The following ZNF48 variants were observed in gnomAD, a reference collection of about 807,000 sequenced individuals.
ZNF48 encodes zinc finger protein 48, also known as zinc finger protein 553.
A neutral mutation model predicts 40.0 loss-of-function variants in ZNF48; 20 were observed. The ratio of observed to expected loss-of-function variants is 0.50; its 90% CI spans 0.35 to 0.73. The LOEUF is 0.73. Among genes scored for constraint, ZNF48 ranks in the 30% least tolerant of loss-of-function variants. The pLI, the probability that ZNF48 is intolerant of heterozygous loss-of-function variation, is 0.01. For synonymous variants in ZNF48, 298 were observed against 329.7 expected (o/e 0.90, Z 1.04); for missense variants, 726 against 851.9 (o/e 0.85, Z 1.84).
chr16:30,395,901 G>A lies in ZNF48; in HGVS notation c.79+28G>A, dbSNP rs780540506. On this transcript the variant is annotated intron_variant, in intron 2 of 2. Transcript: ENST00000613509. The surrounding 1 kb of genome is among the most constrained non-coding windows in gnomAD (Gnocchi z 5.9). ...GAGGGCCTCGGCCGTGCGCCGCCACGGACAGGTAACGGCCGGTGGGGACTG... is the reference window on the plus strand; with the variant it reads ...GAGGGCCTCGGCCGTGCGCCGCCACAGACAGGTAACGGCCGGTGGGGACTG... The A allele has an allele frequency of 1.6e-4, 242 of 1,506,940 alleles. No homozygotes were observed. The highest frequency in any genetic ancestry group is 2.1e-4 in the Non-Finnish European group (234 of 1,128,090). 93.3% of individuals were successfully genotyped at this position (1,506,940 alleles called of 1,614,324 possible). A position where few individuals can be genotyped will look rare whatever the true frequency, so the allele number is the denominator to read the frequency against.
chr16:30,397,953 C>T lies in ZNF48; in HGVS notation c.703C>T (p.Arg235Cys), dbSNP rs751856251. ...CAAGGGCTTTGGCGACAGTTCCGCC[C>T]GCATCAAGCACCAGCGGACACACCG... ...CGKGFGDSSARIKHQRTHRGE... is the reference protein window; with the variant it reads ...CGKGFGDSSACIKHQRTHRGE... Residue 235 changes from arginine (R) to cysteine (C), a missense_variant, in exon 3 of 3, where the codon CGC (arginine) becomes TGC (cysteine). By Grantham distance (180) the Arg-to-Cys change is radical. Transcript: ENST00000613509. The surrounding 1 kb of genome is among the most constrained non-coding windows in gnomAD (Gnocchi z 4.1). 6 of 1,613,134 alleles carry T rather than the reference C, an allele frequency of 3.7e-6. No homozygotes were observed. Among genetic ancestry groups the T allele is most frequent in the South Asian group, 1.1e-5 (1 of 91,070 alleles).
chr16:30,386,451 T>C (rs2151113700), intron 1 of ZNF48, among the ~76,000 whole-genome samples: 1 of 152,090 alleles, frequency 6.6e-6, no homozygotes, highest in Middle Eastern at 3.4e-3. Flanking sequence ...GGCAGGAGGA[T>C]GGCTTAAGCT....
rs2049846800 is a variant in ZNF48, at chr16:30,381,396, T to G, written c.-16+2986T>G. On this transcript the variant is annotated intron_variant, in intron 1 of 2. Transcript: ENST00000528032. The surrounding 1 kb of genome is among the most constrained non-coding windows in gnomAD (Gnocchi z 4.3). ...GCAGTGGACTCGGGAGTCCTGGATG[T>G]TCTTCCGGTTCAGGCCACTCTCATC... 15 of 1,613,502 alleles carry G rather than the reference T, an allele frequency of 9.3e-6. No individual in the cohort carries two copies. In the South Asian group the frequency reaches 1.5e-4, roughly 17 times the overall value.
At chr16:30,379,917 C>G (rs1392937710) in intron 1 of ZNF48, 1 of 1,431,082 alleles carries the variant, frequency 7.0e-7, no homozygotes, top group Admixed American at 1.7e-5. Context: ...TGCCTTCCTT[C>G]TTTGTTTCCC....
Position 30,381,644 on chromosome 16 carries a change from C to A in ZNF48, c.-16+3234C>A. ...TCAAGAAGCACAGGGACCCAGTGGC[C>A]CTCTGAAACAGACACCACCTTTTGA... is the stretch of plus-strand genomic sequence containing the variant. On this transcript the variant is annotated intron_variant, in intron 1 of 2. Transcript: ENST00000528032. The surrounding 1 kb of genome is among the most constrained non-coding windows in gnomAD (Gnocchi z 4.3). 1 of 1,516,424 alleles carries A rather than the reference C, an allele frequency of 6.6e-7. No individual in the cohort carries two copies. The highest frequency in any genetic ancestry group is 1.3e-5 in the South Asian group (1 of 80,000). 93.9% of individuals were successfully genotyped at this position (1,516,424 alleles called of 1,614,324 possible). A position where few individuals can be genotyped will look rare whatever the true frequency, so the allele number is the denominator to read the frequency against.
At position 30,399,203 on chromosome 16, in the gene ZNF48, G is replaced by A; in HGVS notation, c.*96G>A. On this transcript the variant is annotated 3_prime_UTR_variant, in exon 3 of 3. Transcript: ENST00000613509. ...GCCTGGGAGGTGGTGGGAGGGAGAA[G>A]GAAGGGAAGAAAGGGGAGGAAGAAT... The A allele has an allele frequency of 8.3e-7, 1 of 1,208,318 alleles. No individual in the cohort carries two copies. Among genetic ancestry groups the A allele is most frequent in the Non-Finnish European group, 1.1e-6 (1 of 879,706 alleles). The allele number at this position is 1,208,318 out of a possible 1,614,324, so 74.8% of individuals were successfully genotyped here. A position where few individuals can be genotyped will look rare whatever the true frequency, so the allele number is the denominator to read the frequency against.
In ZNF48 at chr16:30,382,100, C is replaced by T. The variant is rs916828494; in HGVS notation, c.-16+3690C>T. 2.3e-5 allele frequency: 37 copies of T among 1,579,586 alleles called. No individual in the cohort carries two copies. The Admixed American group carries it at 3.7e-4, about 16-fold the overall frequency. ...GGGTGGGGAGGGTCTTACCACTGGC[C>T]TCTGGCACCTGGCGATCCTCATAGA... On this transcript the variant is annotated intron_variant, in intron 1 of 2. Transcript: ENST00000528032. This position sits in a 1 kb window ranked among gnomAD's most constrained non-coding sequence, Gnocchi z 4.8.
chr16:30,384,472 C>A (rs2049885029), intron 1 of ZNF48, among the ~76,000 whole-genome samples: 1 of 152,156 alleles, frequency 6.6e-6, no homozygotes, highest in African/African-American at 2.4e-5. Flanking sequence ...TGCAGCGAGC[C>A]AAGATCGTGC....
At chr16:30,379,575 G>T in intron 1 of ZNF48, 1 of 1,466,438 alleles carries the variant, frequency 6.8e-7, no homozygotes, top group Non-Finnish European at 9.5e-7. Flanking sequence ...GGCTCACACG[G>T]CAGAAACTTT....
intron 1 of ZNF48, among the ~76,000 whole-genome samples, chr16:30,384,037 C>T (rs1025534096): frequency 4.6e-5 from 7 of 150,678 alleles, no homozygotes; most frequent in Non-Finnish European, 8.9e-5. Context: ...GCCAACATGG[C>T]GAGACCCTGT....
chr16:30,399,134 G>A lies in ZNF48; in HGVS notation c.*27G>A. On this transcript the variant is annotated 3_prime_UTR_variant, in exon 3 of 3. Coordinates refer to ENST00000613509, the MANE Select transcript of ZNF48 (RefSeq NM_001214909.2). Reference sequence around the variant, plus strand: ...GCGGTCCAGGGAGGGCGGAGGCCCAGGAGACCAAAGGGAGGGGCTCTGCCG... The same window carrying A: ...GCGGTCCAGGGAGGGCGGAGGCCCAAGAGACCAAAGGGAGGGGCTCTGCCG... 2.0e-6 allele frequency: 3 copies of A among 1,526,530 alleles called. No individual in the cohort carries two copies. The highest frequency in any genetic ancestry group is 2.6e-6 in the Non-Finnish European group (3 of 1,138,430). 94.6% of individuals were successfully genotyped at this position (1,526,530 alleles called of 1,614,324 possible).
rs116643497 is a variant in ZNF48 at position 30,378,604 on chromosome 16, G to C, written c.-16+194G>C. 4.5e-4 allele frequency: 720 copies of C among 1,611,460 alleles called. 3 individuals carry two copies. In the African/African-American group the frequency reaches 8.1e-3, roughly 18 times the overall value. Reference sequence around the variant, plus strand: ...TCGGTCGGGGGGAAGCGAGGTGCGTGCTCACCTCTTCGTCTTTCTCGCGGA... The same window carrying C: ...TCGGTCGGGGGGAAGCGAGGTGCGTCCTCACCTCTTCGTCTTTCTCGCGGA... On this transcript the variant is annotated intron_variant, in intron 1 of 2. Transcript: ENST00000528032.
chr16:30,378,852 G>GGGGGAGAGAGGGAGAA, intron 1 of ZNF48: 1 of 781,456 alleles, frequency 1.3e-6, no homozygotes, highest in Non-Finnish European at 2.0e-6. Context: ...TGGGGAGAGA[G>GGGGGAGAGAGGGAGAA]GGGGAGAGAG....
In ZNF48 at chr16:30,399,153, T is replaced by C. The variant is rs1332888950; in HGVS notation, c.*46T>C. On this transcript the variant is annotated 3_prime_UTR_variant, in exon 3 of 3. Coordinates refer to ENST00000613509, the MANE Select transcript of ZNF48 (RefSeq NM_001214909.2). ...GGCCCAGGAGACCAAAGGGAGGGGC[T>C]CTGCCGCTTAGCAGAGAAGAAAGGG... 6.7e-7 allele frequency: 1 copy of C among 1,502,188 alleles called. No individual in the cohort carries two copies. The highest frequency in any genetic ancestry group is 8.9e-7 in the Non-Finnish European group (1 of 1,125,954). The allele number at this position is 1,502,188 out of a possible 1,614,324, so 93.1% of individuals were successfully genotyped here.
chr16:30,382,644 G>T lies in ZNF48; in HGVS notation c.-16+4234G>T. On this transcript the variant is annotated intron_variant, in intron 1 of 2. Transcript: ENST00000528032. This position sits in a 1 kb window ranked among gnomAD's most constrained non-coding sequence, Gnocchi z 4.8. ...AGAGGCAGCTGAGATGCTCAAACTG[G>T]CCCAGTCCCAGAGAGGTGGGGAAGG... 1 of 1,539,854 alleles carries T rather than the reference G, an allele frequency of 6.5e-7. No homozygotes were observed. Among genetic ancestry groups the T allele is most frequent in the Non-Finnish European group, 8.7e-7 (1 of 1,144,146 alleles).
chr16:30,378,586 G>T (rs2049785826), intron 1 of ZNF48: 2 of 1,610,798 alleles, frequency 1.2e-6, no homozygotes, highest in Non-Finnish European at 1.7e-6. Flanking sequence ...GCATCGGTCG[G>T]GGGGAAGCGA....
Position 30,395,514 on chromosome 16 carries a change from C to A in ZNF48, c.-80C>A. ...ATCCCGGAGCCGCTGGCGGCTCGGGCGCCTGCACCCCGCTGAGGAGCTCCG... is the reference window on the plus strand; with the variant it reads ...ATCCCGGAGCCGCTGGCGGCTCGGGAGCCTGCACCCCGCTGAGGAGCTCCG... On this transcript the variant is annotated 5_prime_UTR_variant, in exon 1 of 3. Coordinates refer to ENST00000613509, the MANE Select transcript of ZNF48 (RefSeq NM_001214909.2). This position sits in a 1 kb window ranked among gnomAD's most constrained non-coding sequence, Gnocchi z 5.9. 3.2e-6 allele frequency: 1 copy of A among 308,714 alleles called. No homozygotes were observed. The highest frequency in any genetic ancestry group is 2.3e-5 in the African/African-American group (1 of 43,176). The allele number at this position is 308,714 out of a possible 1,614,324, so 19.1% of individuals were successfully genotyped here. A position where few individuals can be genotyped will look rare whatever the true frequency, so the allele number is the denominator to read the frequency against.
upstream of ZNF48, among the ~76,000 whole-genome samples, chr16:30,390,601 GTTTTTTTTTTTTTTTTTTTTTT>G (rs796708706): frequency 2.6e-4 from 14 of 53,370 alleles, no homozygotes; most frequent in East Asian, 4.4e-3. Context: ...GTAGAGACGG[GTTTTTTTTTTTTTTTTTTTTTT>G]TTTTTTTTTT....
At chr16:30,378,724 A>G (rs749031577) in intron 1 of ZNF48, 26 of 1,598,148 alleles carry the variant, frequency 1.6e-5, no homozygotes, top group Non-Finnish European at 2.2e-5. Context: ...GGAAGGGGAC[A>G]GGAATCAGGA....
Sources: gnomAD v4.1 joint callset for allele counts (sites outside exome capture counted in the v4.1 genomes callset) on GRCh38, gnomAD v4.1.1 for gene constraint, Gnocchi (gnomAD v3.1) non-coding constraint, MANE v1.5 for transcripts, NCBI Gene and HGNC (gene_info 2026-07-23, HGNC 2026-07-21) for gene names.